Variants in SPINT2 observed in about 807,000 individuals in gnomAD.
SPINT2 encodes the protein kunitz-type protease inhibitor 2.
In SPINT2, 18 loss-of-function variants were observed where a neutral mutation model predicts 30.1. The observed-to-expected ratio is 0.60, with a 90% CI of 0.41 to 0.89. SPINT2 has a LOEUF of 0.89. Ranked by LOEUF, SPINT2 falls within the 40% of genes least tolerant of loss-of-function variation. The probability of loss-of-function intolerance (pLI) is 0.00; values close to 1 mark genes in which losing one functional copy is unlikely to be tolerated. For missense variants in SPINT2, 276 were observed against 334.3 expected (o/e 0.83, Z 1.36); for synonymous variants, 139 against 137.9 (o/e 1.01, Z -0.05).
At chr19:38,270,818 A>G (rs1765328892) in intron 1 of SPINT2, among the ~76,000 whole-genome samples, 1 of 152,206 alleles carries the variant, frequency 6.6e-6, no homozygotes, top group Admixed American at 6.5e-5. Context: ...TGGAGGCTAC[A>G]GGGGAGGCTG....
chr19:38,268,277 G>A (rs905397187), intron 1 of SPINT2, among the ~76,000 whole-genome samples: 1 of 152,120 alleles, frequency 6.6e-6, no homozygotes, highest in Non-Finnish European at 1.5e-5. Flanking sequence ...GCAGACAGAG[G>A]TGGGGGGAAA....
chr19:38,274,333 T>C (rs1968492084), intron 1 of SPINT2, among the ~76,000 whole-genome samples: 1 of 152,186 alleles, frequency 6.6e-6, no homozygotes, highest in Admixed American at 6.5e-5. Context: ...TTTTTTGAGA[T>C]GGAGTTCTTT....
intron 1 of SPINT2, among the ~76,000 whole-genome samples, chr19:38,282,241 C>T (rs557613939): frequency 5.9e-5 from 9 of 152,276 alleles, no homozygotes; most frequent in Admixed American, 5.2e-4. Context: ...TGAAACAAAC[C>T]TAACAAACAT....
intron 1 of SPINT2, among the ~76,000 whole-genome samples, chr19:38,282,862 C>T (rs376520963): frequency 1.2e-3 from 182 of 152,340 alleles, no homozygotes; most frequent in Admixed American, 4.4e-3. Flanking sequence ...AGGAAAAGCA[C>T]GTGTGAGGAC....
At chr19:38,282,568 C>T (rs189134880) in intron 1 of SPINT2, among the ~76,000 whole-genome samples, 5 of 152,282 alleles carry the variant, frequency 3.3e-5, no homozygotes, top group African/African-American at 7.2e-5. Context: ...GAGAGCGTAC[C>T]GACCTTTTGC....
chr19:38,288,779 CTGCT>C (rs1968674316), intron 3 of SPINT2: 1 of 300,806 alleles, frequency 3.3e-6, no homozygotes, highest in East Asian at 7.8e-5. Context: ...TGTTTATCCT[CTGCT>C]AGCCCCCCCA....
chr19:38,268,762 C>CGTGT (rs35138811), intron 1 of SPINT2, among the ~76,000 whole-genome samples: 3,320 of 127,802 alleles, frequency 0.026, 65 homozygotes, highest in Non-Finnish European at 0.028. Context: ...AGCATGCGCG[C>CGTGT]GCGCGTGTGT....
chr19:38,267,361 G>A (rs1056693162), intron 1 of SPINT2, among the ~76,000 whole-genome samples: 3 of 152,202 alleles, frequency 2.0e-5, no homozygotes, highest in Non-Finnish European at 2.9e-5. Context: ...GAAGCTCCAT[G>A]CAGTGGCTCA....
intron 1 of SPINT2, 43 bp downstream of exon 1, chr19:38,265,041 A>T: frequency 3.1e-6 from 4 of 1,304,198 alleles, no homozygotes; most frequent in African/African-American, 1.7e-5. Flanking sequence ...CGCAGGGGGC[A>T]GAGGCTCGGG....
chr19:38,265,029 G>A (rs1968361192), intron 1 of SPINT2, 31 bp downstream of exon 1: 3 of 1,517,736 alleles, frequency 2.0e-6, no homozygotes, highest in Non-Finnish European at 2.6e-6. Context: ...CTGGAGGCGG[G>A]GCGCAGGGGG....
At chr19:38,271,998 T>G (rs926155672) in intron 1 of SPINT2, among the ~76,000 whole-genome samples, 18 of 152,128 alleles carry the variant, frequency 1.2e-4, no homozygotes, top group African/African-American at 4.3e-4. Context: ...CCCAGCACTT[T>G]GGGGGGCTGA....
intron 1 of SPINT2, among the ~76,000 whole-genome samples, chr19:38,278,426 G>A (rs895882226): frequency 8.5e-5 from 13 of 152,170 alleles, no homozygotes; most frequent in African/African-American, 1.4e-4. Flanking sequence ...CAGCATTCTC[G>A]TTTGTAAAGC....
intron 1 of SPINT2, among the ~76,000 whole-genome samples, chr19:38,271,408 C>T (rs1283837772): frequency 1.3e-5 from 2 of 151,722 alleles, no homozygotes; most frequent in South Asian, 2.1e-4. Flanking sequence ...AGGAGAATGG[C>T]GTGAACCCAG....
At chr19:38,267,668 G>A (rs532090476) in intron 1 of SPINT2, among the ~76,000 whole-genome samples, 66 of 152,108 alleles carry the variant, frequency 4.3e-4, no homozygotes, top group African/African-American at 1.5e-3. Context: ...GAGGGTGGGA[G>A]GAGATCAGGT....
At chr19:38,286,574 A>T (rs570816980) in intron 2 of SPINT2, among the ~76,000 whole-genome samples, 2 of 152,220 alleles carry the variant, frequency 1.3e-5, no homozygotes, top group Admixed American at 1.3e-4. Flanking sequence ...AGGTCAGGAG[A>T]TCGAGACCAT....
chr19:38,271,239 C>T (rs1303212658), intron 1 of SPINT2, among the ~76,000 whole-genome samples: 1 of 152,106 alleles, frequency 6.6e-6, no homozygotes, highest in Non-Finnish European at 1.5e-5. Flanking sequence ...TGCCTGTAAC[C>T]CCAGCACTTT....
In SPINT2 at chr19:38,292,030, G is replaced by C; in HGVS notation, c.*24G>C. ...GACCGCCCTGTCGCCAAGAGGACTG[G>C]GGAAGGGAGGGGAGACTATGTGTGA... is the stretch of plus-strand genomic sequence containing the variant. On this transcript the variant is annotated 3_prime_UTR_variant, in exon 7 of 7. Coordinates refer to ENST00000301244, the MANE Select transcript of SPINT2 (RefSeq NM_021102.4). 6.2e-7 allele frequency: 1 copy of C among 1,613,248 alleles called. No individual in the cohort carries two copies. Among genetic ancestry groups the C allele is most frequent in the Non-Finnish European group, 8.5e-7 (1 of 1,179,770 alleles).
At chr19:38,266,023 G>T (rs1968373965) in intron 1 of SPINT2, among the ~76,000 whole-genome samples, 1 of 152,200 alleles carries the variant, frequency 6.6e-6, no homozygotes, top group South Asian at 2.1e-4. Flanking sequence ...TCAGGTGGTC[G>T]GGGGACGTCT....
intron 1 of SPINT2, among the ~76,000 whole-genome samples, chr19:38,277,310 A>G (rs1035295651): frequency 1.3e-5 from 2 of 152,000 alleles, no homozygotes; most frequent in South Asian, 2.1e-4. Flanking sequence ...CAGTGGCGCA[A>G]TCTCAGCTCA....
Sources: gnomAD v4.1 joint callset for allele counts (sites outside exome capture counted in the v4.1 genomes callset) on GRCh38, gnomAD v4.1.1 for gene constraint, MANE v1.5 for transcripts, NCBI Gene and HGNC (gene_info 2026-07-23, HGNC 2026-07-21) for gene names.